SH3PXD2A: variants seen among roughly 807,000 people sequenced by gnomAD.
The protein encoded by SH3PXD2A is SH3 and PX domain-containing protein 2A.
A neutral mutation model predicts 115.2 loss-of-function variants in SH3PXD2A; 32 were observed. That is an observed-to-expected ratio of 0.28 (90% CI 0.21 to 0.37). SH3PXD2A has a LOEUF of 0.37. SH3PXD2A is among the 10% of genes least tolerant of loss of function. The pLI, the probability that SH3PXD2A is intolerant of heterozygous loss-of-function variation, is 1.00. For missense variants in SH3PXD2A, 1,328 were observed against 1,498.7 expected (o/e 0.89, Z 1.88); for synonymous variants, 610 against 629.1 (o/e 0.97, Z 0.45).
At chr10:103,721,268 A>G (rs1358619371) in intron 5 of SH3PXD2A, among the ~76,000 whole-genome samples, 3 of 152,150 alleles carry the variant, frequency 2.0e-5, no homozygotes, top group Non-Finnish European at 2.9e-5. Flanking sequence ...GTTCTGCATT[A>G]TCTCATTTTA....
chr10:103,772,476 G>C lies in SH3PXD2A; in HGVS notation c.154-5307C>G, dbSNP rs143921967. Among the ~76,000 whole-genome samples, 897 of 152,356 alleles carry C rather than the reference G, an allele frequency of 5.9e-3. 3 individuals are homozygous for C. Among genetic ancestry groups the C allele is most frequent in the Non-Finnish European group, 9.0e-3 (614 of 68,034 alleles). ...TCACTCCAGCACGGGCCTGACTCAGGCTGGAGGAAAAGCAGGGCCCATCGC... is the reference window on the plus strand; with the variant it reads ...TCACTCCAGCACGGGCCTGACTCAGCCTGGAGGAAAAGCAGGGCCCATCGC... On this transcript the variant is annotated intron_variant, in intron 2 of 14. Coordinates refer to ENST00000369774, the MANE Select transcript of SH3PXD2A (RefSeq NM_001394015.1).
intron 5 of SH3PXD2A, chr10:103,693,352 G>C (rs1284847645): frequency 6.6e-6 from 1 of 151,034 alleles, no homozygotes; most frequent in East Asian, 1.9e-4. Flanking sequence ...AGCCTTGGCG[G>C]GGAAGGGCGA....
chr10:103,747,975 G>T (rs2038526819), intron 3 of SH3PXD2A, among the ~76,000 whole-genome samples: 1 of 151,988 alleles, frequency 6.6e-6, no homozygotes, highest in Admixed American at 6.6e-5. Flanking sequence ...TTGAGCTTTG[G>T]TTCTGTTGGC....
At position 103,622,220 on chromosome 10, in the gene SH3PXD2A, G is replaced by A. The variant is rs2036617241; in HGVS notation, c.802+250C>T. Among the ~76,000 whole-genome samples the A allele has an allele frequency of 1.3e-4, 20 of 152,184 alleles. No homozygotes were observed. The South Asian group carries it at 4.2e-3, about 32-fold the overall frequency. Reference sequence around the variant, plus strand: ...CCTCAAGCCCCTGTACCTTTTCAGGGAACCCACAACTGTGTTCCATGACCC... The same window carrying A: ...CCTCAAGCCCCTGTACCTTTTCAGGAAACCCACAACTGTGTTCCATGACCC... On this transcript the variant is annotated intron_variant, in intron 10 of 14. Transcript: ENST00000369774.
chr10:103,784,909 T>C lies in SH3PXD2A; in HGVS notation c.153+16373A>G, dbSNP rs2038966742. ...GAGACACCTGGGAGCGGCAGCCTAC[T>C]AGGCGTGTCTGCTTAGACGGGTAAC... On this transcript the variant is annotated intron_variant, in intron 2 of 14. Coordinates refer to ENST00000369774, the MANE Select transcript of SH3PXD2A (RefSeq NM_001394015.1). The surrounding 1 kb of genome is among the most constrained non-coding windows in gnomAD (Gnocchi z 4.4). 6.6e-6 allele frequency among the ~76,000 whole-genome samples: 1 copy of C among 152,146 alleles called. No individual in the cohort carries two copies. Among genetic ancestry groups the C allele is most frequent in the Non-Finnish European group, 1.5e-5 (1 of 68,020 alleles).
chr10:103,733,694 T>C (rs2038349270), intron 4 of SH3PXD2A, among the ~76,000 whole-genome samples: 1 of 152,246 alleles, frequency 6.6e-6, no homozygotes, highest in African/African-American at 2.4e-5. Flanking sequence ...GACTACATTG[T>C]CTTTTCTTCC....
At chr10:103,839,302 CAA>C (rs1304593325) in intron 1 of SH3PXD2A, among the ~76,000 whole-genome samples, 3 of 152,052 alleles carry the variant, frequency 2.0e-5, no homozygotes, top group Non-Finnish European at 4.4e-5. Context: ...AGTACAGACC[CAA>C]AAGTCAGGTC....
intron 6 of SH3PXD2A, among the ~76,000 whole-genome samples, chr10:103,674,243 A>G (rs1194703589): frequency 2.6e-5 from 4 of 152,338 alleles, no homozygotes; most frequent in East Asian, 1.9e-4. Context: ...TGCTAGTCCT[A>G]TTATTCAGTA....
At position 103,666,150 on chromosome 10, in the gene SH3PXD2A, C is replaced by T. The variant is rs1210076239; in HGVS notation, c.472+2458G>A. 2.0e-5 allele frequency among the ~76,000 whole-genome samples: 3 copies of T among 152,186 alleles called. No individual in the cohort carries two copies. On this transcript the variant is annotated intron_variant, in intron 7 of 14. Coordinates refer to ENST00000369774, the MANE Select transcript of SH3PXD2A (RefSeq NM_001394015.1). This position sits in a 1 kb window ranked among gnomAD's most constrained non-coding sequence, Gnocchi z 4.5. ...TGCCTATAAAGGACAAATTCAAGCC[C>T]AGTCTTTCTTGCCAATCTGAGCTCC...
At chr10:103,829,027 C>CT (rs2039460521) in intron 1 of SH3PXD2A, among the ~76,000 whole-genome samples, 2 of 152,206 alleles carry the variant, frequency 1.3e-5, no homozygotes, top group African/African-American at 4.8e-5. Flanking sequence ...TCCACCACAT[C>CT]TTTTGCCTAC....
intron 4 of SH3PXD2A, among the ~76,000 whole-genome samples, chr10:103,729,537 C>T (rs764433969): frequency 7.9e-5 from 12 of 152,336 alleles, no homozygotes; most frequent in Non-Finnish European, 1.5e-4. Context: ...GAAATGAGTA[C>T]GACTTTCTAG....
At chr10:103,772,390 G>A (rs538936591) in intron 2 of SH3PXD2A, among the ~76,000 whole-genome samples, 25 of 152,274 alleles carry the variant, frequency 1.6e-4, no homozygotes, top group African/African-American at 6.0e-4. Context: ...GAGGCAGGAA[G>A]GCCCCGCCCA....
chr10:103,710,498 T>C (rs1346715463), intron 5 of SH3PXD2A, among the ~76,000 whole-genome samples: 4 of 152,214 alleles, frequency 2.6e-5, no homozygotes, highest in African/African-American at 7.2e-5. Context: ...GCCACTTCTA[T>C]GGTCCCTATT....
chr10:103,839,626 GC>G lies in SH3PXD2A; in HGVS notation c.72+15568del, dbSNP rs1466400771. 2.1e-5 allele frequency among the ~76,000 whole-genome samples: 3 copies of G among 141,158 alleles called. No individual in the cohort carries two copies. In the East Asian group the frequency reaches 6.6e-4, roughly 31 times the overall value. The allele number at this position is 141,158 out of a possible 152,430, so 92.6% of individuals were successfully genotyped here. A position where few individuals can be genotyped will look rare whatever the true frequency, so the allele number is the denominator to read the frequency against. ...ACAGCCCCACCCCCAAGGCCACGCA[GC>G]CCCTCCCCAGAGGCCACGCAGCCCC... On this transcript the variant is annotated intron_variant, in intron 1 of 14. Coordinates refer to ENST00000369774, the MANE Select transcript of SH3PXD2A (RefSeq NM_001394015.1).
At chr10:103,607,715 G>A (rs572116717) in intron 13 of SH3PXD2A, among the ~76,000 whole-genome samples, 152 of 152,338 alleles carry the variant, frequency 1.0e-3, no homozygotes, top group African/African-American at 2.8e-3. Flanking sequence ...AGAAAGGGGG[G>A]AAAGGTGGGG....
At chr10:103,680,701 A>G (rs1392763306) in intron 6 of SH3PXD2A, among the ~76,000 whole-genome samples, 1 of 152,226 alleles carries the variant, frequency 6.6e-6, no homozygotes, top group Non-Finnish European at 1.5e-5. Context: ...TGGGCCACAC[A>G]TGGCAATGAT....
intron 4 of SH3PXD2A, among the ~76,000 whole-genome samples, chr10:103,734,407 GC>G (rs1401993458): frequency 5.9e-5 from 9 of 152,150 alleles, no homozygotes; most frequent in Non-Finnish European, 1.5e-5. Flanking sequence ...TTTTAATAAA[GC>G]CTTTTCACCA....
At chr10:103,755,613 A>G (rs2038631242) in intron 3 of SH3PXD2A, among the ~76,000 whole-genome samples, 1 of 152,156 alleles carries the variant, frequency 6.6e-6, no homozygotes, top group Non-Finnish European at 1.5e-5. Context: ...TAAGTCCTCC[A>G]GTGTGGAAGT....
At chr10:103,662,341 C>CGGG (rs1196791691) in intron 7 of SH3PXD2A, among the ~76,000 whole-genome samples, 290 of 10,312 alleles carry the variant, frequency 0.028, 1 homozygote, top group African/African-American at 0.031. Flanking sequence ...CCATTATTGG[C>CGGG]GGGGGGGGGG....
Sources: gnomAD v4.1 joint callset for allele counts (sites outside exome capture counted in the v4.1 genomes callset) on GRCh38, gnomAD v4.1.1 for gene constraint, Gnocchi (gnomAD v3.1) non-coding constraint, MANE v1.5 for transcripts, NCBI Gene and HGNC (gene_info 2026-07-23, HGNC 2026-07-21) for gene names.